NAA11: variants seen among roughly 807,000 people sequenced by gnomAD.
NAA11 encodes N-alpha-acetyltransferase 11.
NAA11 carries 15 observed loss-of-function variants against 16.1 expected under a neutral mutation model. That is an observed-to-expected ratio of 0.93 (90% CI 0.62 to 1.44). NAA11 has a LOEUF of 1.44. Ranked by LOEUF, NAA11 falls within the 40% of genes most tolerant of loss-of-function variation. The pLI is 0.00. For synonymous variants in NAA11, 122 were observed against 112.4 expected, an observed-to-expected ratio of 1.09 and a Z score of -0.54; for missense variants, 298 against 291.3, an observed-to-expected ratio of 1.02 and a Z score of -0.17.
the NAA11 span, among the ~76,000 whole-genome samples, chr4:79,193,792 A>G: frequency 6.6e-6 from 1 of 152,168 alleles, no homozygotes; most frequent in Non-Finnish European, 1.5e-5. Context: ...TGGGGATGGC[A>G]TTGAATCTAT....
intron 2 of NAA11, among the ~76,000 whole-genome samples, chr4:79,277,733 T>C (rs1722691348): frequency 6.6e-6 from 1 of 151,988 alleles, no homozygotes; most frequent in Non-Finnish European, 1.5e-5. Flanking sequence ...CGTCATTCTC[T>C]TTAAATTAGC....
chr4:79,268,603 C>T (rs1050230570), intron 2 of NAA11, among the ~76,000 whole-genome samples: 11 of 152,094 alleles, frequency 7.2e-5, no homozygotes, highest in South Asian at 2.1e-4. Context: ...TCTTGGACAT[C>T]TTTACTTTGA....
At chr4:79,190,246 A>T in the NAA11 span, among the ~76,000 whole-genome samples, 1 of 152,192 alleles carries the variant, frequency 6.6e-6, no homozygotes, top group East Asian at 1.9e-4. Context: ...GAAGAAAAAA[A>T]AGGTTCTTAA....
intron 2 of NAA11, among the ~76,000 whole-genome samples, chr4:79,242,440 T>C (rs1276311405): frequency 1.3e-5 from 2 of 152,236 alleles, no homozygotes; most frequent in Non-Finnish European, 2.9e-5. Context: ...TAGTCTGGCC[T>C]GGGGAAACCC....
At chr4:79,180,738 C>T in the NAA11 span, among the ~76,000 whole-genome samples, 1 of 122,692 alleles carries the variant, frequency 8.2e-6, no homozygotes, top group Admixed American at 8.8e-5. Flanking sequence ...GGCTATATAC[C>T]CAAAGGATTA....
At chr4:79,243,088 T>A (rs1390374182) in intron 2 of NAA11, among the ~76,000 whole-genome samples, 2 of 152,172 alleles carry the variant, frequency 1.3e-5, no homozygotes, top group Non-Finnish European at 2.9e-5. Context: ...AGTTTGAAAT[T>A]TCTGGGTAGT....
rs572760375 is a variant in NAA11 at position 79,283,700 on chromosome 4, A to G, written c.*122+10305T>C. On this transcript the variant is annotated intron_variant and NMD_transcript_variant, in intron 2 of 2. Transcript: ENST00000511542. ...CTTAGAAGAGCTGTATAGTCACTGT[A>G]TGTCTGTGATAAAATGTGGTCTCAA... Among the ~76,000 whole-genome samples the G allele has an allele frequency of 5.9e-5, 9 of 152,240 alleles. No homozygotes were observed. In the South Asian group the frequency reaches 1.9e-3, roughly 32 times the overall value.
intron 2 of NAA11, among the ~76,000 whole-genome samples, chr4:79,256,393 G>A (rs1016509873): frequency 1.3e-5 from 2 of 151,808 alleles, no homozygotes; most frequent in African/African-American, 2.4e-5. Context: ...TTCACCTACA[G>A]TTCAGTTCAG....
chr4:79,319,183 C>T (rs1724019129), intron 1 of NAA11, among the ~76,000 whole-genome samples: 1 of 152,164 alleles, frequency 6.6e-6, no homozygotes, highest in Non-Finnish European at 1.5e-5. Context: ...CCGCCTTGGC[C>T]TCCTAAAGTG....
chr4:79,310,030 G>T (rs1723722668), intron 1 of NAA11, among the ~76,000 whole-genome samples: 1 of 152,032 alleles, frequency 6.6e-6, no homozygotes, highest in African/African-American at 2.4e-5. Flanking sequence ...TATCGTTATT[G>T]ATATAAAATG....
At chr4:79,204,915 T>C in the NAA11 span, among the ~76,000 whole-genome samples, 1 of 101,300 alleles carries the variant, frequency 9.9e-6, no homozygotes, top group African/African-American at 3.5e-5. Context: ...TGGCTAATAT[T>C]CCATGGTGTG....
At chr4:79,285,294 C>T (rs571834404) in intron 2 of NAA11, among the ~76,000 whole-genome samples, 1 of 152,112 alleles carries the variant, frequency 6.6e-6, no homozygotes, top group East Asian at 1.9e-4. Context: ...CTATTCATCA[C>T]AGCACTTTAA....
At chr4:79,225,681 C>T (rs917068417), downstream of NAA11, 3 of 152,066 alleles carry the variant, frequency 2.0e-5, no homozygotes, top group African/African-American at 4.8e-5. Context: ...GCCTAGAGGA[C>T]TTAGTGAGTT....
chr4:79,304,995 C>T (rs1413633679), intron 1 of NAA11: 1 of 152,164 alleles, frequency 6.6e-6, no homozygotes, highest in Non-Finnish European at 1.5e-5. Flanking sequence ...CTCTACCCAC[C>T]ATGTCCCACG....
chr4:79,248,749 A>G (rs1721912340), intron 2 of NAA11, among the ~76,000 whole-genome samples: 1 of 152,180 alleles, frequency 6.6e-6, no homozygotes, highest in Non-Finnish European at 1.5e-5. Flanking sequence ...TGCTGCCTGC[A>G]TAAACCTGCA....
At chr4:79,274,484 AAGGGCACAAT>A (rs1722600999) in intron 2 of NAA11, among the ~76,000 whole-genome samples, 1 of 152,082 alleles carries the variant, frequency 6.6e-6, no homozygotes, top group South Asian at 2.1e-4. Flanking sequence ...CTTGTTCTTA[AAGGGCACAAT>A]GTTAACTTAT....
the NAA11 span, among the ~76,000 whole-genome samples, chr4:79,201,742 G>A: frequency 6.6e-6 from 1 of 151,504 alleles, no homozygotes; most frequent in South Asian, 2.1e-4. Context: ...AAATATTACT[G>A]TGAACTTTAG....
At chr4:79,223,605 C>T (rs894500060), downstream of NAA11, among the ~76,000 whole-genome samples, 1 of 149,960 alleles carries the variant, frequency 6.7e-6, no homozygotes, top group Non-Finnish European at 1.5e-5. Flanking sequence ...TGTAACTAAC[C>T]TGCACAATGT....
At chr4:79,218,256 C>G in the NAA11 span, among the ~76,000 whole-genome samples, 1 of 152,012 alleles carries the variant, frequency 6.6e-6, no homozygotes, top group South Asian at 2.1e-4. Flanking sequence ...AACAATATAA[C>G]TTAAACATGT....
Sources: allele counts gnomAD v4.1 joint callset (sites outside exome capture counted in the v4.1 genomes callset), GRCh38; gene constraint gnomAD v4.1.1; transcripts MANE v1.5; gene names NCBI Gene and HGNC (gene_info 2026-07-23, HGNC 2026-07-21).